Variants in USP8 observed in about 807,000 individuals in gnomAD.
USP8 encodes the protein ubiquitin carboxyl-terminal hydrolase 8.
USP8 carries 27 observed loss-of-function variants against 130.0 expected under a neutral mutation model. The observed-to-expected ratio is 0.21, with a 90% CI of 0.15 to 0.29. The LOEUF is 0.29. USP8 is among the 10% of genes least tolerant of loss of function. The probability of loss-of-function intolerance (pLI) is 1.00; values close to 1 mark genes in which losing one functional copy is unlikely to be tolerated. For synonymous variants in USP8, 392 were observed against 444.1 expected (o/e 0.88, Z 1.48); for missense variants, 1,029 against 1,312.2 (o/e 0.78, Z 3.33).
chr15:50,476,956 AC>A lies in USP8; in HGVS notation c.962del (p.Pro321HisfsTer36). On this transcript the variant is annotated frameshift_variant, in exon 9 of 20. Transcript: ENST00000307179. LOFTEE classifies it high-confidence loss of function. ...QYTTNAKVTP[P>X]PRRQNEEVSI... is the part of the protein sequence containing the mutation. Reference sequence around the variant, plus strand: ...ATACAACAAATGCTAAGGTCACTCCACCCCCACGACGCCAGAATGAAGAGGT... The same window carrying A: ...ATACAACAAATGCTAAGGTCACTCCACCCCACGACGCCAGAATGAAGAGGT... 1 of 1,607,204 alleles carries A rather than the reference AC, an allele frequency of 6.2e-7. No individual in the cohort carries two copies. Among genetic ancestry groups the A allele is most frequent in the Non-Finnish European group, 8.5e-7 (1 of 1,178,672 alleles).
intron 1 of USP8, among the ~76,000 whole-genome samples, chr15:50,435,562 T>G (rs969860919): frequency 2.0e-5 from 3 of 152,202 alleles, no homozygotes; most frequent in African/African-American, 7.2e-5. Context: ...TCTCACTTGA[T>G]GAGCGGAAAA....
At chr15:50,427,884 G>T (rs545865521) in intron 1 of USP8, among the ~76,000 whole-genome samples, 1 of 151,128 alleles carries the variant, frequency 6.6e-6, no homozygotes, top group Admixed American at 6.6e-5. Flanking sequence ...CTGAGACAAG[G>T]TCTTGCTCTG....
At chr15:50,435,227 C>T (rs533304870) in intron 1 of USP8, among the ~76,000 whole-genome samples, 2 of 152,214 alleles carry the variant, frequency 1.3e-5, no homozygotes, top group East Asian at 1.9e-4. Flanking sequence ...AGGTTGGATA[C>T]ACAGTCAGCC....
At position 50,504,610 on chromosome 15, in the gene USP8, T is replaced by C. The variant is rs2052632843; in HGVS notation, c.*5522T>C. 2 of 152,174 alleles carry C rather than the reference T, an allele frequency of 1.3e-5. No homozygotes were observed. Among genetic ancestry groups the C allele is most frequent in the Non-Finnish European group, 2.9e-5 (2 of 68,058 alleles). The allele number at this position is 152,174 out of a possible 1,614,324, so 9.4% of individuals were successfully genotyped here. A position where few individuals can be genotyped will look rare whatever the true frequency, so the allele number is the denominator to read the frequency against. ...TGGATTTTGATAGTCAAAGGGATCC[T>C]GGAACCAACTCCCTGCAGATACTGA... On this transcript the variant is annotated 3_prime_UTR_variant, in exon 20 of 20. Transcript: ENST00000307179.
At chr15:50,492,325 T>G (rs1373791183) in intron 14 of USP8, among the ~76,000 whole-genome samples, 1 of 152,216 alleles carries the variant, frequency 6.6e-6, no homozygotes, top group Admixed American at 6.5e-5. Context: ...CATTTGGCAT[T>G]CTGGGTGAGT....
intron 8 of USP8, among the ~76,000 whole-genome samples, chr15:50,475,698 G>A (rs1201868051): frequency 6.6e-6 from 1 of 152,082 alleles, no homozygotes; most frequent in Non-Finnish European, 1.5e-5. Context: ...CGCCTCTCGG[G>A]TTCAAGCGAT....
chr15:50,441,909 G>C (rs556516450), intron 3 of USP8, among the ~76,000 whole-genome samples: 1 of 149,334 alleles, frequency 6.7e-6, no homozygotes, highest in African/African-American at 2.5e-5. Context: ...ATATATGACT[G>C]ACATTGTACC....
chr15:50,484,196 G>T, intron 11 of USP8, 79 bp from the exon 12 acceptor site: 1 of 1,070,654 alleles, frequency 9.3e-7, no homozygotes, highest in Non-Finnish European at 1.3e-6. Context: ...TCATAGATTC[G>T]GTTGTGTTAG....
intron 1 of USP8, among the ~76,000 whole-genome samples, chr15:50,436,609 T>TA (rs2050099863): frequency 6.6e-6 from 1 of 152,092 alleles, no homozygotes; most frequent in Non-Finnish European, 1.5e-5. Context: ...GTGAGTCTCC[T>TA]ACTTCAGCCT....
intron 1 of USP8, 115 bp downstream of exon 1, chr15:50,424,629 G>T: frequency 2.5e-6 from 1 of 396,924 alleles, no homozygotes. Context: ...CTCTGTCCGC[G>T]GAGAGGAGTG....
At chr15:50,482,402 G>A (rs1403484796) in intron 11 of USP8, among the ~76,000 whole-genome samples, 1 of 152,164 alleles carries the variant, frequency 6.6e-6, no homozygotes, top group Non-Finnish European at 1.5e-5. Flanking sequence ...CTCCTTCTCA[G>A]TATGGGGAAA....
At position 50,482,043 on chromosome 15, in the gene USP8, CAG is replaced by C; in HGVS notation, c.1782_1783del (p.Asp596PhefsTer8). On this transcript the variant is annotated frameshift_variant, in exon 11 of 20. Transcript: ENST00000307179. LOFTEE classifies it high-confidence loss of function. ...GGAGATGTGCCCCATACATCTGTGA[CAG>C]GGGATTCAGGTTCAGGCAAGGTAAG... is the stretch of plus-strand genomic sequence containing the variant. The C allele has an allele frequency of 6.6e-7, 1 of 1,507,936 alleles. No individual in the cohort carries two copies. The highest frequency in any genetic ancestry group is 8.8e-7 in the Non-Finnish European group (1 of 1,134,368). 93.4% of individuals were successfully genotyped at this position (1,507,936 alleles called of 1,614,324 possible).
intron 7 of USP8, among the ~76,000 whole-genome samples, chr15:50,470,735 G>T (rs547184237): frequency 1.3e-5 from 2 of 152,124 alleles, no homozygotes; most frequent in African/African-American, 2.4e-5. Context: ...CAGTAGCTGG[G>T]ATTACAGGCG....
chr15:50,428,369 G>C (rs149134323), intron 1 of USP8, among the ~76,000 whole-genome samples: 9 of 151,938 alleles, frequency 5.9e-5, no homozygotes, highest in African/African-American at 1.9e-4. Context: ...CACCTGCCTC[G>C]GCCTCCCAAA....
chr15:50,507,186 G>C lies in USP8; in HGVS notation c.*8098G>C, dbSNP rs1351978327. 1 of 152,394 alleles carries C rather than the reference G, an allele frequency of 6.6e-6. No individual in the cohort carries two copies. Among genetic ancestry groups the C allele is most frequent in the Non-Finnish European group, 1.5e-5 (1 of 68,320 alleles). The allele number at this position is 152,394 out of a possible 1,614,324, so 9.4% of individuals were successfully genotyped here. ...TAATCCCAACTACTTGGGAAGCTGAGGCAGGAGAGTTGCTTGAACCTGGGA... is the reference window on the plus strand; with the variant it reads ...TAATCCCAACTACTTGGGAAGCTGACGCAGGAGAGTTGCTTGAACCTGGGA... On this transcript the variant is annotated 3_prime_UTR_variant, in exon 20 of 20. Coordinates refer to ENST00000307179, the MANE Select transcript of USP8 (RefSeq NM_005154.5).
In USP8 at chr15:50,477,295, A is replaced by G. The variant is rs750908610; in HGVS notation, c.1014A>G (p.Ser338=). 2 of 1,612,624 alleles carry G rather than the reference A, an allele frequency of 1.2e-6. No homozygotes were observed. Among genetic ancestry groups the G allele is most frequent in the South Asian group, 2.2e-5 (2 of 90,642 alleles). ...VSISLDFTYP[S]LEESIPSKPA... ...TTTTAGTGGATTTTACTTATCCCTC[A>G]TTGGAAGAATCAATTCCTTCTAAAC... Residue 338 remains serine, a synonymous_variant, in exon 10 of 20, where the codon TCA becomes TCG. Coordinates refer to ENST00000307179, the MANE Select transcript of USP8 (RefSeq NM_005154.5).
rs1429799627 is a variant in USP8, at chr15:50,509,679, A to G, written c.*10591A>G. Reference sequence around the variant, plus strand: ...TAAAATAAAATAAAATAAAATAAAAAAGAGACAAGTCAACGATAAAATTAA... The same window carrying G: ...TAAAATAAAATAAAATAAAATAAAAGAGAGACAAGTCAACGATAAAATTAA... On this transcript the variant is annotated 3_prime_UTR_variant, in exon 20 of 20. Transcript: ENST00000307179. The G allele has an allele frequency of 6.6e-6, 1 of 151,684 alleles. No individual in the cohort carries two copies. The highest frequency in any genetic ancestry group is 1.5e-5 in the Non-Finnish European group (1 of 68,006). The allele number at this position is 151,684 out of a possible 1,614,324, so 9.4% of individuals were successfully genotyped here.
chr15:50,462,432 C>G, intron 6 of USP8, 110 bp downstream of exon 6: 1 of 903,482 alleles, frequency 1.1e-6, no homozygotes, highest in Admixed American at 3.4e-5. Flanking sequence ...TGTCTAATCT[C>G]TATGTAAGCT....
chr15:50,458,017 T>C (rs2050851270), intron 4 of USP8, among the ~76,000 whole-genome samples: 1 of 152,220 alleles, frequency 6.6e-6, no homozygotes, highest in Admixed American at 6.5e-5. Context: ...ACATCTGTTT[T>C]ATCTTCTCTC....
Sources: gnomAD v4.1 joint callset for allele counts (sites outside exome capture counted in the v4.1 genomes callset) on GRCh38, gnomAD v4.1.1 for gene constraint, MANE v1.5 for transcripts, NCBI Gene and HGNC (gene_info 2026-07-23, HGNC 2026-07-21) for gene names.